PHRF1: variants seen among roughly 807,000 people sequenced by gnomAD.
PHRF1 encodes the protein PHD and RING finger domain-containing protein 1.
In PHRF1, 53 loss-of-function variants were observed where a neutral mutation model predicts 128.9. That is an observed-to-expected ratio of 0.41 (90% confidence interval 0.33 to 0.52). The LOEUF (loss-of-function observed/expected upper bound fraction) is 0.52, where lower values mean the gene tolerates loss of function less well. PHRF1 is among the 20% of genes least tolerant of loss of function. The pLI is 0.21. For missense variants in PHRF1, 2,503 were observed against 2,284.5 expected, an observed-to-expected ratio of 1.10 and a Z score of -1.95; for synonymous variants, 1,178 against 980.6, an observed-to-expected ratio of 1.20 and a Z score of -3.76.
At chr11:605,469 T>A (rs1855885779) in intron 11 of PHRF1, 136 bp from the exon 12 acceptor site, 1 of 1,483,660 alleles carries the variant, frequency 6.7e-7, no homozygotes, top group Admixed American at 2.2e-5. Context: ...AACTCAGAGG[T>A]CTGGTTCGGG....
chr11:604,316 G>GT (rs960119412), intron 10 of PHRF1, among the ~76,000 whole-genome samples: 1 of 152,234 alleles, frequency 6.6e-6, no homozygotes, highest in Admixed American at 6.5e-5. Context: ...CCGATGGCAC[G>GT]TGAGGGTGTT....
chr11:596,518 C>T (rs544599570), intron 6 of PHRF1, among the ~76,000 whole-genome samples: 8 of 152,276 alleles, frequency 5.3e-5, no homozygotes, highest in Admixed American at 3.3e-4. Context: ...TGTCGTGTGT[C>T]GCAGCCAGCT....
chr11:598,483 CCGA>C lies in PHRF1; in HGVS notation c.1008_1010del (p.Arg337del). The C allele has an allele frequency of 6.2e-7, 1 of 1,609,564 alleles. No individual in the cohort carries two copies. The highest frequency in any genetic ancestry group is 8.5e-7 in the Non-Finnish European group (1 of 1,179,442). ...GCCCCCTGACGCCGCGCACTCCCGC[CCGA>C]CGGAAGAGGAAGACAAGTAAGCCTG... On this transcript the variant is annotated inframe_deletion, in exon 9 of 18. Transcript: ENST00000264555.
At chr11:580,742 G>T (rs1409849766) in intron 1 of PHRF1, among the ~76,000 whole-genome samples, 8 of 152,212 alleles carry the variant, frequency 5.3e-5, no homozygotes, top group Admixed American at 4.6e-4. Context: ...AGGCTGGAGT[G>T]CAGTGGCGCG....
intron 4 of PHRF1, among the ~76,000 whole-genome samples, chr11:588,884 T>A (rs959872443): frequency 1.3e-5 from 2 of 152,080 alleles, no homozygotes; most frequent in Admixed American, 1.3e-4. Flanking sequence ...ACGCCTGTAA[T>A]CTCAGCACTT....
rs1313005829 is a variant in PHRF1 at position 597,595 on chromosome 11, G to GTC, written c.894+26_894+27dup. ...GGTGGGTGGCCCAGCCCTGACGCCA[G>GTC]TCGTAGAACCCCAGCTGCCCAGAGT... On this transcript the variant is annotated intron_variant, in intron 8 of 17. Transcript: ENST00000264555. The surrounding 1 kb of genome is among the most constrained non-coding windows in gnomAD (Gnocchi z 6.5). 1 of 1,597,552 alleles carries GTC rather than the reference G, an allele frequency of 6.3e-7. No individual in the cohort carries two copies. Among genetic ancestry groups the GTC allele is most frequent in the Non-Finnish European group, 8.5e-7 (1 of 1,173,260 alleles).
rs756203082 is a variant in PHRF1, at chr11:598,424, G to A, written c.946G>A (p.Val316Met). 6.2e-7 allele frequency: 1 copy of A among 1,611,282 alleles called. No homozygotes were observed. The highest frequency in any genetic ancestry group is 8.5e-7 in the Non-Finnish European group (1 of 1,179,790). The change falls in exon 9 of 18, where the codon GTG becomes ATG. Residue 316 changes from valine (V) to methionine (M), a missense_variant. Coordinates refer to ENST00000264555, the MANE Select transcript of PHRF1 (RefSeq NM_001286581.2). Reference sequence around the variant, plus strand: ...CCTGCTGGATGAAGCCATCGAGGCTGTGGCGACTGGCCTGAGCACTGCCGT... The same window carrying A: ...CCTGCTGGATGAAGCCATCGAGGCTATGGCGACTGGCCTGAGCACTGCCGT... Reference protein sequence around the residue: ...SSLLDEAIEAVATGLSTAVYQ... With the variant: ...SSLLDEAIEAMATGLSTAVYQ...
At chr11:580,684 C>T (rs2134169207) in intron 1 of PHRF1, among the ~76,000 whole-genome samples, 1 of 152,322 alleles carries the variant, frequency 6.6e-6, no homozygotes, top group African/African-American at 2.4e-5. Context: ...GTTGCGATTC[C>T]TCAGGAGCAT....
intron 10 of PHRF1, among the ~76,000 whole-genome samples, chr11:603,729 G>GTTTTTTTTTTTTTTTTTT (rs71022937): frequency 2.6e-5 from 2 of 78,228 alleles, no homozygotes; most frequent in African/African-American, 5.4e-5. Context: ...ATTTAAGTTT[G>GTTTTTTTTTTTTTTTTTT]TTTTTTTTTT....
chr11:601,926 G>C (rs1342375210), intron 10 of PHRF1, among the ~76,000 whole-genome samples: 1 of 152,226 alleles, frequency 6.6e-6, no homozygotes, highest in Non-Finnish European at 1.5e-5. Context: ...TGTTTCCTGA[G>C]GCACACTGAG....
chr11:602,749 GGTTTTGTTTTTGT>G (rs1195515042), intron 10 of PHRF1, among the ~76,000 whole-genome samples: 2,365 of 150,760 alleles, frequency 0.016, 61 homozygotes, highest in African/African-American at 0.056. Flanking sequence ...AATCTTTTTT[GGTTTTGTTTTTGT>G]TTTTTTTGTT....
chr11:581,835 G>T, intron 2 of PHRF1, 127 bp from the exon 3 acceptor site: 1 of 1,361,840 alleles, frequency 7.3e-7, no homozygotes, highest in Non-Finnish European at 9.8e-7. Context: ...CCACCTTGCC[G>T]GCCCTGGGGA....
At chr11:602,707 C>CT (rs1217844606) in intron 10 of PHRF1, among the ~76,000 whole-genome samples, 1 of 151,908 alleles carries the variant, frequency 6.6e-6, no homozygotes, top group Non-Finnish European at 1.5e-5. Flanking sequence ...CAAAACAAAA[C>CT]TGAGTTGCAG....
In PHRF1 at chr11:610,751, A is replaced by G. The variant is rs1024415658; in HGVS notation, c.4667A>G (p.Lys1556Arg). ...PAPRLAAEKT[K>R]KEEYMKKLHM... ...CCCAGGCTAGCTGCGGAGAAAACCA[A>G]GAAGGAGGAGGTGAGTCCTGCCTCC... The change falls in exon 16 of 18, where the codon AAG becomes AGG. Residue 1556 changes from lysine (K) to arginine (R), a missense_variant. Transcript: ENST00000264555. 10 of 1,601,108 alleles carry G rather than the reference A, an allele frequency of 6.2e-6. No individual in the cohort carries two copies. The highest frequency in any genetic ancestry group is 8.5e-6 in the Non-Finnish European group (10 of 1,179,668).
At position 581,472 on chromosome 11, in the gene PHRF1, T is replaced by C; in HGVS notation, c.-21-20T>C. On this transcript the variant is annotated intron_variant, in intron 1 of 17. Transcript: ENST00000264555. The stretch of plus-strand genomic sequence containing the variant: ...CAGCCTGGGACAGTTTGGAAGTTGC[T>C]TGGCTCTTCTTTCTTTCAGAGCTGA... 1 of 1,609,406 alleles carries C rather than the reference T, an allele frequency of 6.2e-7. No homozygotes were observed. Among genetic ancestry groups the C allele is most frequent in the Non-Finnish European group, 8.5e-7 (1 of 1,177,018 alleles).
In PHRF1 at chr11:610,749, C is replaced by T. The variant is rs1554915638; in HGVS notation, c.4665C>T (p.Thr1555=). ...CCCCCAGGCTAGCTGCGGAGAAAAC[C>T]AAGAAGGAGGAGGTGAGTCCTGCCT... ...TPAPRLAAEK[T]KKEEYMKKLH... is the part of the protein sequence containing the mutation. The change falls in exon 16 of 18, where the codon ACC becomes ACT. Residue 1555 remains threonine (T), a synonymous_variant. Coordinates refer to ENST00000264555, the MANE Select transcript of PHRF1 (RefSeq NM_001286581.2). 6.2e-7 allele frequency: 1 copy of T among 1,601,188 alleles called. No homozygotes were observed. Among genetic ancestry groups the T allele is most frequent in the Non-Finnish European group, 8.5e-7 (1 of 1,179,708 alleles).
In PHRF1 at chr11:610,303, C is replaced by T. The variant is rs781204057; in HGVS notation, c.4372C>T (p.His1458Tyr). The T allele has an allele frequency of 1.9e-6, 3 of 1,564,656 alleles. No homozygotes were observed. The highest frequency in any genetic ancestry group is 2.6e-6 in the Non-Finnish European group (3 of 1,154,824). Reference protein sequence around the residue: ...QVFSELPFPSHVLPEPGFPDT... With the variant: ...QVFSELPFPSYVLPEPGFPDT... ...GTTCTCCGAGCTGCCCTTTCCCAGT[C>T]ACGTGCTTCCGGAACCCGGGTTCCC... is the stretch of plus-strand genomic sequence containing the variant. The change falls in exon 15 of 18, where the codon CAC becomes TAC. Residue 1458 changes from histidine to tyrosine, a missense_variant. His to Tyr is a moderately conservative substitution (Grantham distance 83, BLOSUM62 2). Coordinates refer to ENST00000264555, the MANE Select transcript of PHRF1 (RefSeq NM_001286581.2).
In PHRF1 at chr11:607,227, A is replaced by G. The variant is rs752228446; in HGVS notation, c.1771A>G (p.Thr591Ala). The G allele has an allele frequency of 3.7e-6, 6 of 1,611,822 alleles. No individual in the cohort carries two copies. The Admixed American group carries it at 1.0e-4, about 27-fold the overall frequency. ...GCTCAGCTGTCAAGGCAGGTCCCGC[A>G]CCCCCGCCCGCACCGCGGGGGCGCC... Reference protein sequence around the residue: ...TGLSCQGRSRTPARTAGAPVR... With the variant: ...TGLSCQGRSRAPARTAGAPVR... The change falls in exon 14 of 18, where the codon ACC becomes GCC. Residue 591 changes from threonine (T) to alanine (A), a missense_variant. Coordinates refer to ENST00000264555, the MANE Select transcript of PHRF1 (RefSeq NM_001286581.2).
chr11:599,020 C>A (rs1453294279), intron 9 of PHRF1, among the ~76,000 whole-genome samples: 1 of 152,172 alleles, frequency 6.6e-6, no homozygotes, highest in South Asian at 2.1e-4. Flanking sequence ...CTAATTCTCC[C>A]TTAAAATTAA....
Sources: gnomAD v4.1 joint callset for allele counts (sites outside exome capture counted in the v4.1 genomes callset) on GRCh38, gnomAD v4.1.1 for gene constraint, Gnocchi (gnomAD v3.1) non-coding constraint, MANE v1.5 for transcripts, NCBI Gene and HGNC (gene_info 2026-07-23, HGNC 2026-07-21) for gene names.